The following SLC24A2 variants were observed in gnomAD, a reference collection of about 807,000 sequenced individuals.
The protein encoded by SLC24A2 is sodium/potassium/calcium exchanger 2.
SLC24A2 carries 36 observed loss-of-function variants against 62.0 expected under a neutral mutation model. That is an observed-to-expected ratio of 0.58 (90% confidence interval 0.44 to 0.77). SLC24A2 has a LOEUF of 0.77. SLC24A2 is among the 30% of genes least tolerant of loss of function. The pLI, the probability that SLC24A2 is intolerant of heterozygous loss-of-function variation, is 0.00. For synonymous variants in SLC24A2, 358 were observed against 294.0 expected, an observed-to-expected ratio of 1.22 and a Z score of -2.23; for missense variants, 846 against 817.9, an observed-to-expected ratio of 1.03 and a Z score of -0.42.
At chr9:19,974,516 C>A in the SLC24A2 span, among the ~76,000 whole-genome samples, 22 of 152,180 alleles carry the variant, frequency 1.4e-4, no homozygotes, top group African/African-American at 5.1e-4. Flanking sequence ...CTTTCCTGAG[C>A]AAAGCATAAC....
At chr9:20,105,255 T>G in the SLC24A2 span, among the ~76,000 whole-genome samples, 8 of 152,120 alleles carry the variant, frequency 5.3e-5, 1 homozygote, top group Admixed American at 5.2e-4. Flanking sequence ...AATGGGAGAC[T>G]TTAACACCCC....
chr9:20,267,544 A>C, the SLC24A2 span, among the ~76,000 whole-genome samples: 2 of 152,294 alleles, frequency 1.3e-5, no homozygotes, highest in Non-Finnish European at 2.9e-5. Flanking sequence ...CCTTTAACAC[A>C]GCCTAGAATA....
chr9:19,878,139 G>T, the SLC24A2 span, among the ~76,000 whole-genome samples: 1 of 151,842 alleles, frequency 6.6e-6, no homozygotes, highest in African/African-American at 2.4e-5. Context: ...TTTTTTTTTG[G>T]AATGAGCACA....
chr9:19,944,709 T>C, the SLC24A2 span, among the ~76,000 whole-genome samples: 1 of 152,168 alleles, frequency 6.6e-6, no homozygotes, highest in East Asian at 1.9e-4. Context: ...TGAGGCATGA[T>C]GTTCATTCCA....
chr9:20,028,716 CCACCTGCGG>C, the SLC24A2 span, among the ~76,000 whole-genome samples: 2 of 152,192 alleles, frequency 1.3e-5, no homozygotes, highest in African/African-American at 2.4e-5. Flanking sequence ...AATCTCAGGC[CCACCTGCGG>C]CATCTCTTGA....
At chr9:19,949,950 G>A in the SLC24A2 span, among the ~76,000 whole-genome samples, 2 of 152,154 alleles carry the variant, frequency 1.3e-5, no homozygotes, top group African/African-American at 4.8e-5. Context: ...AGCGGCACCC[G>A]GGAACTTATT....
the SLC24A2 span, among the ~76,000 whole-genome samples, chr9:20,101,957 T>C: frequency 6.6e-6 from 1 of 152,072 alleles, no homozygotes; most frequent in Non-Finnish European, 1.5e-5. Context: ...GAGAGAAAGA[T>C]CTCTTTTTTC....
At chr9:20,044,901 T>G in the SLC24A2 span, among the ~76,000 whole-genome samples, 6 of 152,122 alleles carry the variant, frequency 3.9e-5, no homozygotes, top group Non-Finnish European at 8.8e-5. Context: ...GGTGAGCACA[T>G]GACTTACACA....
the SLC24A2 span, chr9:19,926,403 A>T: frequency 1.3e-5 from 2 of 152,136 alleles, no homozygotes; most frequent in African/African-American, 4.8e-5. Flanking sequence ...TCTTGGGATG[A>T]CCCTGGCTCT....
At chr9:20,125,660 T>C in the SLC24A2 span, among the ~76,000 whole-genome samples, 1 of 152,146 alleles carries the variant, frequency 6.6e-6, no homozygotes, top group Non-Finnish European at 1.5e-5. Flanking sequence ...GTTGCAGTCC[T>C]TGTGGCCTAG....
chr9:19,998,824 T>C, the SLC24A2 span, among the ~76,000 whole-genome samples: 3 of 152,242 alleles, frequency 2.0e-5, no homozygotes, highest in Non-Finnish European at 2.9e-5. Context: ...GGTGGCAAGA[T>C]AAAAATGCTT....
the SLC24A2 span, among the ~76,000 whole-genome samples, chr9:19,898,418 C>T: frequency 6.6e-6 from 1 of 152,312 alleles, no homozygotes; most frequent in African/African-American, 2.4e-5. Flanking sequence ...AAACTGTACT[C>T]ATCTTACAGG....
chr9:20,168,280 G>C, the SLC24A2 span, among the ~76,000 whole-genome samples: 4 of 151,914 alleles, frequency 2.6e-5, no homozygotes, highest in African/African-American at 9.7e-5. Flanking sequence ...TATTCTTTCA[G>C]CTGTTCTCTA....
the SLC24A2 span, among the ~76,000 whole-genome samples, chr9:20,222,366 C>G: frequency 6.6e-6 from 1 of 151,750 alleles, no homozygotes; most frequent in Non-Finnish European, 1.5e-5. Flanking sequence ...AAACAATCAA[C>G]GTAAGTATTT....
At chr9:19,624,327 C>T (rs1025944644) in intron 2 of SLC24A2, among the ~76,000 whole-genome samples, 7 of 151,968 alleles carry the variant, frequency 4.6e-5, no homozygotes, top group Admixed American at 2.6e-4. Context: ...CATGAAGGAA[C>T]AGGATGAAAG....
At chr9:20,086,567 T>A in the SLC24A2 span, among the ~76,000 whole-genome samples, 2 of 152,160 alleles carry the variant, frequency 1.3e-5, no homozygotes, top group Admixed American at 6.5e-5. Flanking sequence ...CCAACCGAGT[T>A]TTTTGATAAA....
chr9:20,013,024 T>A, the SLC24A2 span, among the ~76,000 whole-genome samples: 1 of 152,140 alleles, frequency 6.6e-6, no homozygotes, highest in African/African-American at 2.4e-5. Context: ...AAAATTCCAA[T>A]GCCATTTTTC....
chr9:20,269,835 G>T, the SLC24A2 span, among the ~76,000 whole-genome samples: 1 of 152,054 alleles, frequency 6.6e-6, no homozygotes, highest in Non-Finnish European at 1.5e-5. Flanking sequence ...GGACTTGACC[G>T]CTTTCTTGTT....
the SLC24A2 span, among the ~76,000 whole-genome samples, chr9:20,159,332 T>G: frequency 6.6e-6 from 1 of 151,658 alleles, no homozygotes; most frequent in Non-Finnish European, 1.5e-5. Flanking sequence ...TTTTAATACC[T>G]TGCATATACA....
Sources: gnomAD v4.1 joint callset for allele counts (sites outside exome capture counted in the v4.1 genomes callset) on GRCh38, gnomAD v4.1.1 for gene constraint, MANE v1.5 for transcripts, NCBI Gene and HGNC (gene_info 2026-07-23, HGNC 2026-07-21) for gene names.